LIMCH1: variants seen among roughly 807,000 people sequenced by gnomAD.
LIMCH1 encodes the protein LIM and calponin homology domains 1.
LIMCH1 carries 113 observed loss-of-function variants against 176.5 expected under a neutral mutation model. The observed-to-expected ratio is 0.64, with a 90% confidence interval of 0.55 to 0.75. The LOEUF (loss-of-function observed/expected upper bound fraction) is 0.75, where lower values mean the gene tolerates loss of function less well. LIMCH1 is among the 30% of genes least tolerant of loss of function. The pLI is 0.00. For synonymous variants in LIMCH1, 619 were observed against 645.9 expected (o/e 0.96, Z 0.63); for missense variants, 1,674 against 1,814.9 (o/e 0.92, Z 1.41).
chr4:41,685,685 A>G, intron 27 of LIMCH1, 25 bp from the exon 28 acceptor site: 2 of 1,612,808 alleles, frequency 1.2e-6, no homozygotes, highest in Non-Finnish European at 1.7e-6. Context: ...TGTGCACTAC[A>G]TTTATGTTCT....
At chr4:41,563,168 C>A (rs988412351) in intron 1 of LIMCH1, among the ~76,000 whole-genome samples, 1 of 152,104 alleles carries the variant, frequency 6.6e-6, no homozygotes, top group Admixed American at 6.5e-5. Flanking sequence ...GTGCCATCAC[C>A]GACCAGCTCT....
At chr4:41,601,454 G>T (rs1401338643) in intron 2 of LIMCH1, among the ~76,000 whole-genome samples, 1 of 152,084 alleles carries the variant, frequency 6.6e-6, no homozygotes, top group African/African-American at 2.4e-5. Flanking sequence ...GATCTGTGGG[G>T]CATTCAGGAC....
chr4:41,439,503 G>GC (rs2062466293), intron 1 of LIMCH1, among the ~76,000 whole-genome samples: 1 of 152,084 alleles, frequency 6.6e-6, no homozygotes, highest in African/African-American at 2.4e-5. Flanking sequence ...AGGATTGTGT[G>GC]AGCCCTGGAG....
intron 1 of LIMCH1, among the ~76,000 whole-genome samples, chr4:41,451,490 G>A (rs751354984): frequency 6.6e-5 from 10 of 152,104 alleles, no homozygotes; most frequent in African/African-American, 9.6e-5. Flanking sequence ...CAGATCCCCC[G>A]TCCTGCTATA....
At chr4:41,629,333 C>A (rs2093175553) in intron 8 of LIMCH1, among the ~76,000 whole-genome samples, 159 bp from the exon 9 acceptor site, 1 of 152,246 alleles carries the variant, frequency 6.6e-6, no homozygotes, top group Non-Finnish European at 1.5e-5. Flanking sequence ...AAAGTCATCA[C>A]AGCTCCCGTT....
At chr4:41,373,274 T>G (rs2054250124) in intron 1 of LIMCH1, among the ~76,000 whole-genome samples, 1 of 152,146 alleles carries the variant, frequency 6.6e-6, no homozygotes, top group Non-Finnish European at 1.5e-5. Context: ...AGGCAAACAC[T>G]TCAGGCTGTA....
chr4:41,564,322 T>A (rs922095932), intron 1 of LIMCH1, among the ~76,000 whole-genome samples: 1 of 152,152 alleles, frequency 6.6e-6, no homozygotes, highest in South Asian at 2.1e-4. Context: ...AGAATTCACA[T>A]TGAGGCTATT....
chr4:41,651,959 G>T (rs2094315009), intron 18 of LIMCH1, among the ~76,000 whole-genome samples: 1 of 152,204 alleles, frequency 6.6e-6, no homozygotes, highest in South Asian at 2.1e-4. Flanking sequence ...CACAGATGCA[G>T]CCCTGCTTTC....
chr4:41,613,190 A>C, intron 4 of LIMCH1: 4 of 1,161,114 alleles, frequency 3.4e-6, no homozygotes, highest in South Asian at 1.4e-5. Context: ...TTCTTTCTCT[A>C]CTCTTTTTTT....
At chr4:41,466,913 A>G (rs2066200453) in intron 1 of LIMCH1, among the ~76,000 whole-genome samples, 1 of 152,092 alleles carries the variant, frequency 6.6e-6, no homozygotes, top group African/African-American at 2.4e-5. Context: ...GTACCCATTA[A>G]GCAGTAACTC....
chr4:41,638,882 T>A, intron 13 of LIMCH1, 50 bp from the exon 14 acceptor site: 1 of 1,486,186 alleles, frequency 6.7e-7, no homozygotes, highest in Non-Finnish European at 9.4e-7. Flanking sequence ...TTGCTTACAG[T>A]GTTCACTTTC....
intron 1 of LIMCH1, among the ~76,000 whole-genome samples, chr4:41,595,109 A>G (rs1156710906): frequency 2.0e-5 from 3 of 152,184 alleles, no homozygotes; most frequent in Non-Finnish European, 4.4e-5. Flanking sequence ...GTAGAATTGT[A>G]AGTGAGTGGT....
chr4:41,671,546 C>G lies in LIMCH1; in HGVS notation c.3398-8C>G. ...TATCTTTTTTTTCTTTCTTTTTTTT[C>G]TGTGCAGTGGATTCTCCAAGCAGTG... On this transcript the variant is annotated splice_region_variant and splice_polypyrimidine_tract_variant and intron_variant, in intron 21 of 31. Coordinates refer to ENST00000503057, the MANE Select transcript of LIMCH1 (RefSeq NM_001330672.2). The G allele has an allele frequency of 6.3e-7, 1 of 1,596,164 alleles. No individual in the cohort carries two copies. Among genetic ancestry groups the G allele is most frequent in the Middle Eastern group, 1.7e-4 (1 of 5,738 alleles).
At chr4:41,595,466 G>C (rs2088573371) in intron 1 of LIMCH1, among the ~76,000 whole-genome samples, 1 of 152,016 alleles carries the variant, frequency 6.6e-6, no homozygotes, top group African/African-American at 2.4e-5. Flanking sequence ...TTAGTAGCGG[G>C]GTGACTGGTA....
intron 1 of LIMCH1, among the ~76,000 whole-genome samples, chr4:41,596,540 AT>A (rs2088854522): frequency 6.6e-6 from 1 of 152,260 alleles, no homozygotes; most frequent in African/African-American, 2.4e-5. Context: ...GAAAGATGTT[AT>A]ATTTAAATTC....
chr4:41,670,800 G>C (rs2094989813), intron 21 of LIMCH1: 1 of 1,535,712 alleles, frequency 6.5e-7, no homozygotes, highest in African/African-American at 1.4e-5. Flanking sequence ...CAGGTAAACT[G>C]CATACTGGGT....
At position 41,395,731 on chromosome 4, in the gene LIMCH1, C is replaced by G. The variant is rs534795712; in HGVS notation, c.96+34795C>G. On this transcript the variant is annotated intron_variant, in intron 1 of 26. Coordinates refer to the LIMCH1 transcript ENST00000313860. ...TGGCTCCATGTCACCCCCATTCATT[C>G]ATTCAGCAAATACTTATTGAGCATC... is the stretch of plus-strand genomic sequence containing the variant. Among the ~76,000 whole-genome samples the G allele has an allele frequency of 1.5e-3, 229 of 152,194 alleles. 2 individuals carry two copies. Among genetic ancestry groups the G allele is most frequent in the Non-Finnish European group, 9.6e-4 (65 of 68,030 alleles).
chr4:41,563,003 A>T (rs73810264), intron 1 of LIMCH1, among the ~76,000 whole-genome samples: 106 of 152,320 alleles, frequency 7.0e-4, no homozygotes, highest in African/African-American at 2.2e-3. Context: ...AATTCTGAAG[A>T]TGGGTCTATT....
chr4:41,650,226 G>A (rs2094232237), intron 17 of LIMCH1, among the ~76,000 whole-genome samples, 167 bp from the exon 18 acceptor site: 1 of 152,234 alleles, frequency 6.6e-6, no homozygotes, highest in Non-Finnish European at 1.5e-5. Context: ...AGCATTTATA[G>A]AAGCCCTAAC....
Sources: gnomAD v4.1 joint callset for allele counts (sites outside exome capture counted in the v4.1 genomes callset) on GRCh38, gnomAD v4.1.1 for gene constraint, MANE v1.5 for transcripts, NCBI Gene and HGNC (gene_info 2026-07-23, HGNC 2026-07-21) for gene names.